Variants in ERBB4 observed in about 807,000 individuals in gnomAD.
ERBB4 encodes erb-b2 receptor tyrosine kinase 4, also known as receptor tyrosine-protein kinase erbB-4.
A neutral mutation model predicts 158.0 loss-of-function variants in ERBB4; 42 were observed. That is an observed-to-expected ratio of 0.27 (90% confidence interval 0.21 to 0.34). The LOEUF is 0.34. Ranked by LOEUF, ERBB4 falls within the 10% of genes least tolerant of loss-of-function variation. ERBB4 has a pLI of 1.00. For missense variants in ERBB4, 1,333 were observed against 1,624.1 expected (o/e 0.82, Z 3.08); for synonymous variants, 583 against 558.7 (o/e 1.04, Z -0.61).
At position 211,387,077 on chromosome 2, in the gene ERBB4, C is replaced by T. The variant is rs182276587; in HGVS notation, c.3257G>A (p.Ser1086Asn). 2.5e-6 allele frequency: 4 copies of T among 1,613,972 alleles called. No individual in the cohort carries two copies. Among genetic ancestry groups the T allele is most frequent in the East Asian group, 2.2e-5 (1 of 44,862 alleles). The change falls in exon 27 of 28, where the codon AGC (serine) becomes AAC (asparagine). Residue 1086 changes from serine to asparagine, a missense_variant. By Grantham distance (46) the Ser-to-Asn change is conservative. Around this residue, in one of 5 missense-constraint regions of ERBB4, gnomAD observed 252 missense variants for 241.3 expected, o/e 1.04. Coordinates refer to ENST00000342788, the MANE Select transcript of ERBB4 (RefSeq NM_005235.3). ...GVSVPYRAPTSTIPEAPVAQG... is the reference protein window; with the variant it reads ...GVSVPYRAPTNTIPEAPVAQG... The stretch of plus-strand genomic sequence containing the variant: ...TGCCACAGGAGCTTCTGGAATTGTG[C>T]TAGTTGGGGCTCTGTAGGGCACAGA...
chr2:211,832,061 T>C (rs1485375757), intron 3 of ERBB4, among the ~76,000 whole-genome samples: 1 of 152,188 alleles, frequency 6.6e-6, no homozygotes, highest in Non-Finnish European at 1.5e-5. Context: ...CCCAAGAACA[T>C]CTTCAGCTGT....
At chr2:211,695,458 T>C (rs901752908) in intron 12 of ERBB4, among the ~76,000 whole-genome samples, 1 of 152,128 alleles carries the variant, frequency 6.6e-6, no homozygotes, top group Non-Finnish European at 1.5e-5. Flanking sequence ...AAACTTGATA[T>C]TTTTTGGAAT....
At chr2:212,182,927 T>C (rs936711498) in intron 1 of ERBB4, among the ~76,000 whole-genome samples, 3 of 151,668 alleles carry the variant, frequency 2.0e-5, no homozygotes, top group African/African-American at 4.8e-5. Flanking sequence ...TAATAAATTA[T>C]AAACAAGAGG....
intron 3 of ERBB4, among the ~76,000 whole-genome samples, chr2:211,883,459 T>A (rs1378066209): frequency 1.3e-5 from 2 of 151,802 alleles, no homozygotes; most frequent in Admixed American, 1.3e-4. Context: ...AAAATAATAA[T>A]AATAAAAATA....
At chr2:211,492,869 T>C (rs2065379240) in intron 20 of ERBB4, among the ~76,000 whole-genome samples, 1 of 152,156 alleles carries the variant, frequency 6.6e-6, no homozygotes, top group Non-Finnish European at 1.5e-5. Context: ...GTTCTGATCC[T>C]TGTTTCCTAA....
intron 3 of ERBB4, among the ~76,000 whole-genome samples, chr2:211,915,016 T>C (rs571987255): frequency 6.6e-6 from 1 of 152,248 alleles, no homozygotes; most frequent in East Asian, 1.9e-4. Flanking sequence ...TTAGCAGGCA[T>C]GTGAAAAGGT....
At chr2:211,870,890 A>G (rs1237086510) in intron 3 of ERBB4, among the ~76,000 whole-genome samples, 1 of 152,146 alleles carries the variant, frequency 6.6e-6, no homozygotes, top group Non-Finnish European at 1.5e-5. Flanking sequence ...AAGGGAATTC[A>G]ATTTGTTCGT....
chr2:211,951,539 A>T (rs2080876050), intron 2 of ERBB4, among the ~76,000 whole-genome samples: 1 of 152,158 alleles, frequency 6.6e-6, no homozygotes, highest in Non-Finnish European at 1.5e-5. Flanking sequence ...TTTGCATATT[A>T]CTAAATATAT....
At chr2:212,181,154 T>A (rs2081846754) in intron 1 of ERBB4, among the ~76,000 whole-genome samples, 1 of 151,708 alleles carries the variant, frequency 6.6e-6, no homozygotes, top group Non-Finnish European at 1.5e-5. Flanking sequence ...TTTCTCCAGA[T>A]CACCTGCCTT....
Position 212,015,107 on chromosome 2 carries a change from TATATA to T in ERBB4, c.235-67496_235-67492del, listed in dbSNP as rs1559321248. On this transcript the variant is annotated intron_variant, in intron 2 of 27. Coordinates refer to ENST00000342788, the MANE Select transcript of ERBB4 (RefSeq NM_005235.3). ...ATATATATATATATATATATATATATATATAAAAATTAGCCGGGCATGGTGGCGGG... is the reference window on the plus strand; with the variant it reads ...ATATATATATATATATATATATATATAAAATTAGCCGGGCATGGTGGCGGG... Among the ~76,000 whole-genome samples the T allele has an allele frequency of 1.0e-4, 9 of 86,504 alleles. 1 individual carries two copies. Among genetic ancestry groups the T allele is most frequent in the South Asian group, 4.1e-4 (1 of 2,464 alleles). The allele number at this position is 86,504 out of a possible 152,430, so 56.7% of individuals were successfully genotyped here. A position where few individuals can be genotyped will look rare whatever the true frequency, so the allele number is the denominator to read the frequency against.
At chr2:211,700,099 G>C (rs1161059042) in intron 12 of ERBB4, among the ~76,000 whole-genome samples, 1 of 152,044 alleles carries the variant, frequency 6.6e-6, no homozygotes, top group African/African-American at 2.4e-5. Context: ...TTGAAAGGTA[G>C]TGGTACTAAT....
At chr2:212,358,865 CAA>C (rs961337576) in intron 1 of ERBB4, among the ~76,000 whole-genome samples, 5 of 151,462 alleles carry the variant, frequency 3.3e-5, no homozygotes, top group African/African-American at 1.2e-4. Flanking sequence ...CCTTGTATGT[CAA>C]AAGATATATA....
chr2:211,698,342 A>C (rs1050441815), intron 12 of ERBB4, among the ~76,000 whole-genome samples: 2 of 151,418 alleles, frequency 1.3e-5, no homozygotes, highest in East Asian at 1.9e-4. Flanking sequence ...AAGGGGAATA[A>C]GGAAGAGCTC....
intron 1 of ERBB4, among the ~76,000 whole-genome samples, chr2:212,162,309 C>T (rs184543764): frequency 1.3e-5 from 2 of 151,876 alleles, no homozygotes; most frequent in Admixed American, 1.3e-4. Context: ...TTGAAAAAGT[C>T]TTATATACAA....
intron 20 of ERBB4, among the ~76,000 whole-genome samples, chr2:211,487,421 A>G (rs967959852): frequency 1.3e-5 from 2 of 152,142 alleles, no homozygotes; most frequent in Non-Finnish European, 2.9e-5. Context: ...TTTTAATTCC[A>G]TGATACCAAA....
intron 1 of ERBB4, among the ~76,000 whole-genome samples, chr2:212,270,639 T>C (rs1470308931): frequency 6.6e-6 from 1 of 151,782 alleles, no homozygotes; most frequent in Non-Finnish European, 1.5e-5. Context: ...TGGAACTTTC[T>C]ACGTTTTTTG....
intron 3 of ERBB4, among the ~76,000 whole-genome samples, chr2:211,920,421 T>C (rs2079827016): frequency 6.6e-6 from 1 of 152,022 alleles, no homozygotes; most frequent in African/African-American, 2.4e-5. Context: ...AACAAGAGCT[T>C]CTACTCATGC....
At chr2:211,790,189 C>G (rs1010172590) in intron 3 of ERBB4, among the ~76,000 whole-genome samples, 1 of 152,002 alleles carries the variant, frequency 6.6e-6, no homozygotes, top group Admixed American at 6.6e-5. Context: ...TAATAGCTTT[C>G]TCATGAGACA....
intron 1 of ERBB4, among the ~76,000 whole-genome samples, chr2:212,480,053 C>T (rs1413343213): frequency 6.6e-6 from 1 of 152,142 alleles, no homozygotes; most frequent in Non-Finnish European, 1.5e-5. Flanking sequence ...TCACTTTTAA[C>T]TCTTGTGGGA....
Sources: gnomAD v4.1 joint callset for allele counts (sites outside exome capture counted in the v4.1 genomes callset) on GRCh38, gnomAD v4.1.1 for gene constraint, gnomAD v4.1.1 regional missense constraint, MANE v1.5 for transcripts, NCBI Gene and HGNC (gene_info 2026-07-23, HGNC 2026-07-21) for gene names.